DNER: variants seen among roughly 807,000 people sequenced by gnomAD.
The protein encoded by DNER is delta and Notch-like epidermal growth factor-related receptor.
DNER carries 33 observed loss-of-function variants against 78.2 expected under a neutral mutation model. That is an observed-to-expected ratio of 0.42 (90% CI 0.32 to 0.56). The LOEUF (loss-of-function observed/expected upper bound fraction) is 0.56, where lower values mean the gene tolerates loss of function less well. DNER is among the 20% of genes least tolerant of loss of function. The probability of loss-of-function intolerance (pLI) is 0.11; values close to 1 mark genes in which losing one functional copy is unlikely to be tolerated. For missense variants in DNER, 918 were observed against 975.3 expected (o/e 0.94, Z 0.78); for synonymous variants, 417 against 384.8 (o/e 1.08, Z -0.98).
intron 1 of DNER, among the ~76,000 whole-genome samples, chr2:229,665,075 A>T (rs1234133502): frequency 6.6e-6 from 1 of 152,248 alleles, no homozygotes; most frequent in Non-Finnish European, 1.5e-5. Flanking sequence ...ATTACTGAGC[A>T]ATATAAACTT....
rs552337647 is a variant in DNER, at chr2:229,541,811, T to C, written c.993+5136A>G. Among the ~76,000 whole-genome samples the C allele has an allele frequency of 7.3e-5, 11 of 150,788 alleles. No individual in the cohort carries two copies. The South Asian group carries it at 1.5e-3, about 20-fold the overall frequency. On this transcript the variant is annotated intron_variant, in intron 5 of 12. Coordinates refer to ENST00000341772, the MANE Select transcript of DNER (RefSeq NM_139072.4). ...TATTGCACTTGCCAAGACTCCACAA[T>C]TGCATGAGCCAGTTCCTTAAAACAA...
At chr2:229,359,700 T>G (rs1375356115) in intron 12 of DNER, among the ~76,000 whole-genome samples, 2 of 152,206 alleles carry the variant, frequency 1.3e-5, no homozygotes, top group African/African-American at 4.8e-5. Flanking sequence ...TTTTTTCCTT[T>G]GATATGTTGA....
chr2:229,685,497 T>C (rs1315401884), intron 1 of DNER, among the ~76,000 whole-genome samples: 3 of 152,108 alleles, frequency 2.0e-5, no homozygotes, highest in Admixed American at 6.5e-5. Context: ...TTACGAAAGG[T>C]AAAAGGTGGT....
intron 3 of DNER, 71 bp downstream of exon 3, chr2:229,588,323 G>A (rs1295014915): frequency 3.0e-5 from 43 of 1,430,888 alleles, no homozygotes; most frequent in Middle Eastern, 1.9e-4. Flanking sequence ...CACCAGGTCC[G>A]CGGATGGACA....
intron 8 of DNER, among the ~76,000 whole-genome samples, chr2:229,426,309 C>T (rs935884230): frequency 2.2e-4 from 33 of 151,846 alleles, no homozygotes; most frequent in South Asian, 1.5e-3. Flanking sequence ...GGCGTGGTGG[C>T]GGGTGCCTGT....
At chr2:229,365,624 C>T (rs555276651) in intron 12 of DNER, among the ~76,000 whole-genome samples, 1 of 152,268 alleles carries the variant, frequency 6.6e-6, no homozygotes, top group East Asian at 1.9e-4. Flanking sequence ...TTAGTAGAGA[C>T]AGGGTTTCAC....
intron 8 of DNER, among the ~76,000 whole-genome samples, chr2:229,422,751 T>C (rs1232765184): frequency 6.6e-6 from 1 of 152,098 alleles, no homozygotes; most frequent in East Asian, 1.9e-4. Flanking sequence ...TTTGAAATTT[T>C]CATTAAAGAA....
At chr2:229,593,257 C>A (rs1029973708) in intron 1 of DNER, among the ~76,000 whole-genome samples, 3 of 150,996 alleles carry the variant, frequency 2.0e-5, no homozygotes, top group African/African-American at 7.4e-5. Context: ...CTCCCACAAA[C>A]CTTCCTCCTC....
chr2:229,407,187 G>A (rs199754775), intron 10 of DNER, 45 bp downstream of exon 10: 2 of 1,550,336 alleles, frequency 1.3e-6, no homozygotes, highest in Admixed American at 3.5e-5. Context: ...GCAATCTCGG[G>A]CACTTTGTGG....
intron 3 of DNER, 111 bp from the exon 4 acceptor site, chr2:229,586,135 AC>A: frequency 7.6e-7 from 1 of 1,313,824 alleles, no homozygotes; most frequent in Non-Finnish European, 1.0e-6. Flanking sequence ...CTACCAAGGT[AC>A]CAGGAGATCG....
chr2:229,451,725 A>T (rs1694461359), intron 7 of DNER, among the ~76,000 whole-genome samples: 1 of 152,228 alleles, frequency 6.6e-6, no homozygotes, highest in Admixed American at 6.5e-5. Context: ...CACTGCACAG[A>T]AGAGAAGTGA....
intron 10 of DNER, among the ~76,000 whole-genome samples, chr2:229,397,132 C>T (rs925979370): frequency 1.3e-5 from 2 of 152,072 alleles, no homozygotes; most frequent in Admixed American, 6.6e-5. Context: ...GATATATTTT[C>T]CCTATCCCTC....
intron 5 of DNER, among the ~76,000 whole-genome samples, chr2:229,542,749 TA>T (rs1313144153): frequency 9.4e-5 from 6 of 63,778 alleles, no homozygotes; most frequent in Non-Finnish European, 1.6e-4. Flanking sequence ...GCAACAATCA[TA>T]AAAAGTCACA....
At chr2:229,572,631 G>T (rs923391763) in intron 4 of DNER, among the ~76,000 whole-genome samples, 1 of 152,124 alleles carries the variant, frequency 6.6e-6, no homozygotes, top group African/African-American at 2.4e-5. Flanking sequence ...AGCCTCAAAG[G>T]CTGAGACATT....
At chr2:229,708,124 A>G (rs1699856931) in intron 1 of DNER, among the ~76,000 whole-genome samples, 1 of 152,230 alleles carries the variant, frequency 6.6e-6, no homozygotes. Flanking sequence ...GGTGTGGACC[A>G]GGAGTTTCCA....
intron 7 of DNER, among the ~76,000 whole-genome samples, chr2:229,474,229 A>T (rs1334971320): frequency 6.6e-6 from 1 of 152,184 alleles, no homozygotes; most frequent in East Asian, 1.9e-4. Flanking sequence ...TTAAAGTGCA[A>T]AGTGTTCTAT....
chr2:229,486,445 A>G (rs959895758), intron 6 of DNER, among the ~76,000 whole-genome samples: 20 of 152,202 alleles, frequency 1.3e-4, no homozygotes, highest in African/African-American at 4.8e-4. Context: ...AAGTAACCAC[A>G]TCTAACAAGT....
rs747461178 is a variant in DNER at position 229,537,232 on chromosome 2, C to CA, written c.993+9714dup. ...CCATAAGGTCAACCCCCGACCCCGC[C>CA]AAAAAAAACCCAAAAATGTATTTCT... is the stretch of plus-strand genomic sequence containing the variant. On this transcript the variant is annotated intron_variant, in intron 5 of 12. Transcript: ENST00000341772. Among the ~76,000 whole-genome samples, 61 of 151,610 alleles carry CA rather than the reference C, an allele frequency of 4.0e-4. No individual in the cohort carries two copies. The East Asian group carries it at 6.6e-3, about 16-fold the overall frequency.
At chr2:229,452,578 G>A (rs1225522548) in intron 7 of DNER, among the ~76,000 whole-genome samples, 4 of 152,070 alleles carry the variant, frequency 2.6e-5, no homozygotes, top group Admixed American at 6.6e-5. Context: ...AGAAAAGTCC[G>A]AAATCCAAAT....
Sources: allele counts gnomAD v4.1 joint callset (sites outside exome capture counted in the v4.1 genomes callset), GRCh38; gene constraint gnomAD v4.1.1; transcripts MANE v1.5; gene names NCBI Gene and HGNC (gene_info 2026-07-23, HGNC 2026-07-21).